KCND2: variants seen among roughly 807,000 people sequenced by gnomAD.
The protein encoded by KCND2 is potassium voltage-gated channel subfamily D member 2.
A neutral mutation model predicts 54.4 loss-of-function variants in KCND2; 16 were observed. The ratio of observed to expected loss-of-function variants is 0.29; its 90% CI spans 0.20 to 0.45. KCND2 has a LOEUF of 0.45. Among genes scored for constraint, KCND2 ranks in the 20% least tolerant of loss-of-function variants. The pLI, the probability that KCND2 is intolerant of heterozygous loss-of-function variation, is 1.00. For missense variants in KCND2, 486 were observed against 824.2 expected, an observed-to-expected ratio of 0.59 and a Z score of 5.02; for synonymous variants, 317 against 310.7, an observed-to-expected ratio of 1.02 and a Z score of -0.21.
At chr7:120,458,744 A>G (rs1408522091) in intron 1 of KCND2, among the ~76,000 whole-genome samples, 1 of 152,040 alleles carries the variant, frequency 6.6e-6, no homozygotes, top group Non-Finnish European at 1.5e-5. Flanking sequence ...GAAAATCCTT[A>G]ATGTCATTCT....
intron 1 of KCND2, among the ~76,000 whole-genome samples, chr7:120,338,784 A>G (rs776225073): frequency 6.6e-6 from 1 of 152,148 alleles, no homozygotes; most frequent in Non-Finnish European, 1.5e-5. Flanking sequence ...TGGCAAACAT[A>G]TATTTATATG....
chr7:120,585,127 T>C (rs963875747), intron 1 of KCND2, among the ~76,000 whole-genome samples: 4 of 152,082 alleles, frequency 2.6e-5, no homozygotes, highest in African/African-American at 9.7e-5. Context: ...TTACCAAGTA[T>C]AATAAAGGCA....
chr7:120,538,971 GT>G (rs1791945817), intron 1 of KCND2, among the ~76,000 whole-genome samples: 3 of 152,118 alleles, frequency 2.0e-5, no homozygotes. Context: ...GTGCTCATTA[GT>G]CCTGCTCAAT....
At chr7:120,424,300 G>A (rs1041592163) in intron 1 of KCND2, among the ~76,000 whole-genome samples, 5 of 152,110 alleles carry the variant, frequency 3.3e-5, no homozygotes, top group African/African-American at 9.7e-5. Flanking sequence ...TCTACAAAAT[G>A]TAGATAATAT....
chr7:120,652,618 T>C (rs1298565219), intron 1 of KCND2, among the ~76,000 whole-genome samples: 1 of 152,164 alleles, frequency 6.6e-6, no homozygotes, highest in Admixed American at 6.5e-5. Flanking sequence ...AGAAGAAACT[T>C]TGAGAACTGT....
At chr7:120,457,068 C>T (rs377405558) in intron 1 of KCND2, among the ~76,000 whole-genome samples, 9 of 152,184 alleles carry the variant, frequency 5.9e-5, no homozygotes, top group East Asian at 1.9e-4. Flanking sequence ...GGTATACATT[C>T]GCCCCTTTTG....
rs1802969170 is a variant in KCND2 at position 120,503,562 on chromosome 7, TCCA to T, written c.1115+227820_1115+227822del. Among the ~76,000 whole-genome samples, 5 of 152,014 alleles carry T rather than the reference TCCA, an allele frequency of 3.3e-5. 1 individual carries two copies. The highest frequency in any genetic ancestry group is 3.3e-4 in the Admixed American group (5 of 15,210). ...CCTCCCTCATATTATTTTTCATTTT[TCCA>T]CCACTTCTCTTTCCTTGACCCTTCT... is the stretch of plus-strand genomic sequence containing the variant. On this transcript the variant is annotated intron_variant, in intron 1 of 5. Transcript: ENST00000331113.
At chr7:120,354,260 C>G (rs1563019654) in intron 1 of KCND2, among the ~76,000 whole-genome samples, 1 of 152,080 alleles carries the variant, frequency 6.6e-6, no homozygotes, top group Non-Finnish European at 1.5e-5. Flanking sequence ...TTGCAACTTT[C>G]CAATATTCAA....
rs1051166931 is a variant in KCND2 at position 120,749,652 on chromosome 7, G to A, written c.*1794G>A. The A allele has an allele frequency of 2.6e-5, 4 of 152,322 alleles. No individual in the cohort carries two copies. Among genetic ancestry groups the A allele is most frequent in the Non-Finnish European group, 5.9e-5 (4 of 67,806 alleles). The allele number at this position is 152,322 out of a possible 1,614,324, so 9.4% of individuals were successfully genotyped here. ...AGAATAGTTTCTAGAACAGTGCTAT[G>A]CACATATTAGATCTTAATAAACATT... On this transcript the variant is annotated 3_prime_UTR_variant, in exon 6 of 6. Coordinates refer to ENST00000331113, the MANE Select transcript of KCND2 (RefSeq NM_012281.3).
At chr7:120,560,314 A>G (rs1431707100) in intron 1 of KCND2, among the ~76,000 whole-genome samples, 1 of 152,200 alleles carries the variant, frequency 6.6e-6, no homozygotes, top group Non-Finnish European at 1.5e-5. Context: ...AGTAGTTTTA[A>G]AAGGCTACAT....
At chr7:120,474,833 T>C (rs903147724) in intron 1 of KCND2, among the ~76,000 whole-genome samples, 1 of 152,210 alleles carries the variant, frequency 6.6e-6, no homozygotes, top group Admixed American at 6.5e-5. Context: ...CTTTAGTCTT[T>C]GCTAAGCAGA....
At chr7:120,471,308 C>T (rs1328791207) in intron 1 of KCND2, among the ~76,000 whole-genome samples, 2 of 151,918 alleles carry the variant, frequency 1.3e-5, no homozygotes, top group African/African-American at 2.4e-5. Flanking sequence ...GATATTAATC[C>T]TCAAAATAAA....
intron 1 of KCND2, among the ~76,000 whole-genome samples, chr7:120,459,885 C>G (rs1024534962): frequency 7.2e-5 from 11 of 152,170 alleles, no homozygotes; most frequent in Non-Finnish European, 1.6e-4. Context: ...AAGTAAATGC[C>G]AGTGTAAAGA....
intron 1 of KCND2, among the ~76,000 whole-genome samples, chr7:120,678,460 T>C (rs1171461526): frequency 1.4e-5 from 2 of 146,708 alleles, no homozygotes; most frequent in Non-Finnish European, 3.0e-5. Flanking sequence ...TGTATGTAAG[T>C]GTAAATGTAT....
At chr7:120,294,579 T>TG (rs1799481662) in intron 1 of KCND2, among the ~76,000 whole-genome samples, 2 of 151,864 alleles carry the variant, frequency 1.3e-5, no homozygotes, top group African/African-American at 2.4e-5. Flanking sequence ...TTTATCTAAC[T>TG]GAAAGTTTAG....
rs546231136 is a variant in KCND2, at chr7:120,293,015, T to C, written c.1115+17268T>C. On this transcript the variant is annotated intron_variant, in intron 1 of 5. Transcript: ENST00000331113. The stretch of plus-strand genomic sequence containing the variant: ...TAAGTGCATTGACTCGTATGGGTCA[T>C]GTGGTAAAATATCAGGTCTTTTACT... Among the ~76,000 whole-genome samples the C allele has an allele frequency of 2.6e-5, 4 of 152,014 alleles. No homozygotes were observed. In the South Asian group the frequency reaches 8.3e-4, roughly 32 times the overall value.
At chr7:120,714,991 C>G (rs1343229559) in intron 1 of KCND2, among the ~76,000 whole-genome samples, 1 of 152,034 alleles carries the variant, frequency 6.6e-6, no homozygotes, top group East Asian at 1.9e-4. Flanking sequence ...CACTTACATT[C>G]TAAAGATAGT....
chr7:120,378,591 G>C (rs956712786), intron 1 of KCND2, among the ~76,000 whole-genome samples: 1 of 151,926 alleles, frequency 6.6e-6, no homozygotes, highest in Admixed American at 6.6e-5. Context: ...TAAGATATTT[G>C]AGATAATCGG....
At chr7:120,730,243 G>A (rs910165160) in intron 1 of KCND2, among the ~76,000 whole-genome samples, 11 of 152,058 alleles carry the variant, frequency 7.2e-5, no homozygotes, top group South Asian at 2.1e-4. Flanking sequence ...GCGCGCGTGC[G>A]TGTGTGTGTC....
Sources: gnomAD v4.1 joint callset for allele counts (sites outside exome capture counted in the v4.1 genomes callset) on GRCh38, gnomAD v4.1.1 for gene constraint, MANE v1.5 for transcripts, NCBI Gene and HGNC (gene_info 2026-07-23, HGNC 2026-07-21) for gene names.